Variants in PTPRD observed in about 807,000 individuals in gnomAD.
PTPRD encodes the protein receptor-type tyrosine-protein phosphatase delta.
Under a neutral mutation model 214.5 loss-of-function variants are expected in PTPRD, and 34 were observed. The ratio of observed to expected loss-of-function variants is 0.16; its 90% CI spans 0.12 to 0.21. The LOEUF (loss-of-function observed/expected upper bound fraction) is 0.21, where lower values mean the gene tolerates loss of function less well. PTPRD is among the 10% of genes least tolerant of loss of function. The pLI, the probability that PTPRD is intolerant of heterozygous loss-of-function variation, is 1.00. For synonymous variants in PTPRD, 1,128 were observed against 845.7 expected, an observed-to-expected ratio of 1.33 and a Z score of -5.79; for missense variants, 2,545 against 2,398.7, an observed-to-expected ratio of 1.06 and a Z score of -1.27.
chr9:8,396,019 C>T (rs777505035), intron 36 of PTPRD, among the ~76,000 whole-genome samples: 22 of 151,902 alleles, frequency 1.4e-4, no homozygotes, highest in Non-Finnish European at 2.9e-4. Flanking sequence ...TAGCTTTATA[C>T]TAATAAGGAG....
chr9:9,567,975 G>A (rs1429880919), intron 8 of PTPRD, among the ~76,000 whole-genome samples: 1 of 151,584 alleles, frequency 6.6e-6, no homozygotes, highest in Non-Finnish European at 1.5e-5. Context: ...GGTATCTCGT[G>A]CCTAGATATG....
intron 4 of PTPRD, among the ~76,000 whole-genome samples, chr9:10,016,672 T>G (rs959727891): frequency 1.3e-5 from 2 of 151,282 alleles, no homozygotes; most frequent in Non-Finnish European, 3.0e-5. Flanking sequence ...TCCTGTGGGT[T>G]GTTTTTTTTT....
chr9:9,190,879 C>T (rs2099934710), intron 9 of PTPRD, among the ~76,000 whole-genome samples: 1 of 152,008 alleles, frequency 6.6e-6, no homozygotes, highest in South Asian at 2.1e-4. Flanking sequence ...TGGGATGAGA[C>T]TTTGGGGGAC....
chr9:10,305,425 C>T (rs1198179125), intron 3 of PTPRD, among the ~76,000 whole-genome samples: 1 of 143,984 alleles, frequency 6.9e-6, no homozygotes, highest in South Asian at 2.3e-4. Context: ...CAAATGGGAT[C>T]TGATTAAACT....
intron 2 of PTPRD, among the ~76,000 whole-genome samples, chr9:10,512,032 A>ATATATATATG (rs1566643449): frequency 0.016 from 237 of 14,936 alleles, 2 homozygotes; most frequent in Admixed American, 0.026. Flanking sequence ...ATATATATGT[A>ATATATATATG]TATATATATA....
intron 8 of PTPRD, among the ~76,000 whole-genome samples, chr9:9,441,399 AAAAGT>A (rs2087715726): frequency 6.6e-6 from 1 of 152,222 alleles, no homozygotes; most frequent in African/African-American, 2.4e-5. Flanking sequence ...AGACAAAAGA[AAAAGT>A]ATGTCTGAAA....
At chr9:9,541,076 G>A (rs2077491062) in intron 8 of PTPRD, among the ~76,000 whole-genome samples, 1 of 151,808 alleles carries the variant, frequency 6.6e-6, no homozygotes, top group Non-Finnish European at 1.5e-5. Context: ...ACCTTGCTGA[G>A]TGACAGGAAG....
rs555226326 is a variant in PTPRD, at chr9:9,929,102, T to G, written c.-368+9405A>C. Among the ~76,000 whole-genome samples the G allele has an allele frequency of 4.6e-5, 7 of 152,298 alleles. No individual in the cohort carries two copies. In the South Asian group the frequency reaches 1.4e-3, roughly 32 times the overall value. On this transcript the variant is annotated intron_variant, in intron 5 of 45. Transcript: ENST00000381196. ...CAATAGATACCATATCTGTCCGCTATACCTATTTTACTATGTCACTAACTC... is the reference window on the plus strand; with the variant it reads ...CAATAGATACCATATCTGTCCGCTAGACCTATTTTACTATGTCACTAACTC...
intron 3 of PTPRD, among the ~76,000 whole-genome samples, chr9:10,052,758 TTC>T (rs2154155604): frequency 6.6e-6 from 1 of 152,232 alleles, no homozygotes; most frequent in Admixed American, 6.5e-5. Flanking sequence ...TCGAAATTCT[TTC>T]TTTCTTCAAA....
intron 2 of PTPRD, among the ~76,000 whole-genome samples, chr9:10,494,121 C>G (rs1346600913): frequency 6.6e-6 from 1 of 151,904 alleles, no homozygotes; most frequent in Non-Finnish European, 1.5e-5. Flanking sequence ...ACCTCCAACT[C>G]CTTTTCAATA....
At chr9:9,762,011 A>T (rs1439650064) in intron 6 of PTPRD, among the ~76,000 whole-genome samples, 1 of 152,124 alleles carries the variant, frequency 6.6e-6, no homozygotes, top group Non-Finnish European at 1.5e-5. Flanking sequence ...TCTGGAGGAG[A>T]GAAAGTCCAA....
intron 7 of PTPRD, among the ~76,000 whole-genome samples, chr9:9,685,238 TG>T (rs1398638776): frequency 6.7e-6 from 1 of 148,546 alleles, no homozygotes; most frequent in Non-Finnish European, 1.5e-5. Context: ...TGGTTATTTT[TG>T]TATAGCATAT....
intron 8 of PTPRD, among the ~76,000 whole-genome samples, chr9:9,418,612 G>C (rs1454340589): frequency 2.0e-5 from 3 of 151,976 alleles, no homozygotes; most frequent in African/African-American, 4.8e-5. Context: ...GCCTCAGCAA[G>C]ATGTTGTGAA....
intron 11 of PTPRD, among the ~76,000 whole-genome samples, chr9:8,893,818 C>T (rs2098568315): frequency 6.6e-6 from 1 of 152,000 alleles, no homozygotes; most frequent in Non-Finnish European, 1.5e-5. Context: ...ACATTTATGA[C>T]ACAATGTTGA....
At chr9:10,512,513 G>A (rs900119148) in intron 2 of PTPRD, among the ~76,000 whole-genome samples, 2 of 152,114 alleles carry the variant, frequency 1.3e-5, no homozygotes, top group Admixed American at 6.6e-5. Flanking sequence ...GGTGGGTTGG[G>A]GGGAATGGAG....
chr9:8,781,524 G>C (rs996114186), intron 11 of PTPRD, among the ~76,000 whole-genome samples: 17 of 152,166 alleles, frequency 1.1e-4, no homozygotes, highest in African/African-American at 3.6e-4. Flanking sequence ...CAACTCATTA[G>C]TATAGGAAAA....
At chr9:9,535,769 T>C (rs902703573) in intron 8 of PTPRD, among the ~76,000 whole-genome samples, 84 of 152,204 alleles carry the variant, frequency 5.5e-4, no homozygotes, top group African/African-American at 2.0e-3. Flanking sequence ...TTCCTTTCTA[T>C]GTCATTAAGA....
intron 2 of PTPRD, among the ~76,000 whole-genome samples, chr9:10,393,941 T>C (rs2154492489): frequency 6.8e-6 from 1 of 148,044 alleles, no homozygotes; most frequent in East Asian, 2.0e-4. Flanking sequence ...TGCTATATGC[T>C]AGAAAATGCA....
chr9:9,317,422 A>G (rs1006710168), intron 9 of PTPRD, among the ~76,000 whole-genome samples: 1 of 151,942 alleles, frequency 6.6e-6, no homozygotes, highest in Non-Finnish European at 1.5e-5. Flanking sequence ...TTCCTTCTCA[A>G]TTTTCTATGT....
Sources: gnomAD v4.1 joint callset for allele counts (sites outside exome capture counted in the v4.1 genomes callset) on GRCh38, gnomAD v4.1.1 for gene constraint, MANE v1.5 for transcripts, NCBI Gene and HGNC (gene_info 2026-07-23, HGNC 2026-07-21) for gene names.